STOX1: variants seen among roughly 807,000 people sequenced by gnomAD.
STOX1 encodes storkhead-box protein 1.
STOX1 carries 57 observed loss-of-function variants against 74.8 expected under a neutral mutation model. That is an observed-to-expected ratio of 0.76 (90% CI 0.62 to 0.95). STOX1 has a LOEUF of 0.95. Among genes scored for constraint, STOX1 ranks in the 40% least tolerant of loss-of-function variants. STOX1 has a pLI of 0.00. For synonymous variants in STOX1, 375 were observed against 401.3 expected (o/e 0.93, Z 0.78); for missense variants, 1,010 against 1,117.0 (o/e 0.90, Z 1.37).
At chr10:68,842,035 A>C (rs1839703303) in intron 1 of STOX1, among the ~76,000 whole-genome samples, 1 of 152,128 alleles carries the variant, frequency 6.6e-6, no homozygotes, top group Admixed American at 6.6e-5. Context: ...TGGAAAGAAC[A>C]CTAGACATGA....
chr10:68,867,175 G>A (rs1840431339), intron 1 of STOX1, among the ~76,000 whole-genome samples: 1 of 151,866 alleles, frequency 6.6e-6, no homozygotes, highest in Non-Finnish European at 1.5e-5. Flanking sequence ...TCAATCTCCT[G>A]ACCTCGTGAT....
rs774871541 is a variant in STOX1 at position 68,884,832 on chromosome 10, G to T, written c.1036G>T (p.Asp346Tyr). Reference protein sequence around the residue: ...QFPPEEWPVRDEDDLDNIPRD... With the variant: ...QFPPEEWPVRYEDDLDNIPRD... ...CCCACCTGAAGAATGGCCCGTCCGA[G>T]ATGAAGATGACTTGGACAATATCCC... is the stretch of plus-strand genomic sequence containing the variant. The change falls in exon 3 of 4, where the codon GAT (aspartate) becomes TAT (tyrosine). Residue 346 changes from aspartate to tyrosine, a missense_variant. By Grantham distance (160) the Asp-to-Tyr change is radical. Transcript: ENST00000298596. The T allele has an allele frequency of 1.4e-5, 22 of 1,614,148 alleles. 1 individual carries two copies. In the South Asian group the frequency reaches 2.4e-4, roughly 18 times the overall value.
chr10:68,870,201 TTAC>T (rs1840504118), intron 1 of STOX1, among the ~76,000 whole-genome samples: 1 of 152,224 alleles, frequency 6.6e-6, no homozygotes, highest in Admixed American at 6.5e-5. Context: ...TCTGGGCTTT[TTAC>T]CCCCGTTTTG....
intron 1 of STOX1, among the ~76,000 whole-genome samples, chr10:68,872,529 T>C (rs1201736871): frequency 1.3e-5 from 2 of 152,020 alleles, no homozygotes; most frequent in Non-Finnish European, 2.9e-5. Flanking sequence ...TAATTTTTAG[T>C]AGAGACGAGG....
chr10:68,876,384 G>A (rs1011527703), intron 1 of STOX1, among the ~76,000 whole-genome samples: 1 of 151,812 alleles, frequency 6.6e-6, no homozygotes, highest in African/African-American at 2.4e-5. Flanking sequence ...TCGAACTCCC[G>A]ACCTCAGGTG....
At chr10:68,832,055 G>A (rs1412664135) in intron 1 of STOX1, among the ~76,000 whole-genome samples, 2 of 151,480 alleles carry the variant, frequency 1.3e-5, no homozygotes, top group Non-Finnish European at 2.9e-5. Context: ...GTGAGCCACC[G>A]CACCTGGCTC....
rs189471240 is a variant in STOX1 at position 68,835,976 on chromosome 10, A to G, written c.310+8043A>G. ...AACCTCCTCCTCCTGGGTTCAAGCA[A>G]TTCTCCTGCCTCAGCCTCCTAAGTA... is the stretch of plus-strand genomic sequence containing the variant. On this transcript the variant is annotated intron_variant, in intron 1 of 3. Transcript: ENST00000298596. Among the ~76,000 whole-genome samples, 437 of 152,188 alleles carry G rather than the reference A, an allele frequency of 2.9e-3. 1 individual carries two copies. Among genetic ancestry groups the G allele is most frequent in the African/African-American group, 9.9e-3 (411 of 41,516 alleles).
intron 1 of STOX1, among the ~76,000 whole-genome samples, chr10:68,852,602 A>G (rs1211481049): frequency 1.3e-5 from 2 of 149,836 alleles, no homozygotes; most frequent in Admixed American, 6.6e-5. Context: ...TTTTTTCTCC[A>G]AGACAGGGTC....
chr10:68,890,942 A>G (rs1841084175), intron 3 of STOX1, among the ~76,000 whole-genome samples: 1 of 152,032 alleles, frequency 6.6e-6, no homozygotes, highest in Non-Finnish European at 1.5e-5. Flanking sequence ...GTGAGCCCCC[A>G]TGCCCAGCTA....
chr10:68,882,349 C>T (rs910736423), intron 2 of STOX1, among the ~76,000 whole-genome samples: 1 of 152,088 alleles, frequency 6.6e-6, no homozygotes, highest in African/African-American at 2.4e-5. Context: ...ATAAATAAAT[C>T]ACACTCTGTG....
chr10:68,857,774 C>T (rs142350105), intron 1 of STOX1, among the ~76,000 whole-genome samples: 24 of 152,112 alleles, frequency 1.6e-4, no homozygotes, highest in Non-Finnish European at 1.8e-4. Context: ...AGCTGAGGCA[C>T]CATGCACTGG....
intron 1 of STOX1, among the ~76,000 whole-genome samples, chr10:68,834,454 A>G (rs1206505396): frequency 6.6e-6 from 1 of 152,136 alleles, no homozygotes; most frequent in Non-Finnish European, 1.5e-5. Flanking sequence ...TCTGATTCCT[A>G]TTCTGTTTTA....
intron 1 of STOX1, among the ~76,000 whole-genome samples, chr10:68,853,912 C>T (rs182250190): frequency 1.3e-4 from 20 of 151,570 alleles, no homozygotes; most frequent in African/African-American, 3.6e-4. Context: ...CTCAAACTCC[C>T]GACCTCAGGT....
At chr10:68,869,899 T>C (rs1840495302) in intron 1 of STOX1, among the ~76,000 whole-genome samples, 2 of 152,120 alleles carry the variant, frequency 1.3e-5, no homozygotes, top group South Asian at 4.1e-4. Context: ...GCTGATCTAG[T>C]TCAGTTCCCT....
intron 1 of STOX1, among the ~76,000 whole-genome samples, chr10:68,831,984 C>CT (rs1839425520): frequency 6.7e-6 from 1 of 148,456 alleles, no homozygotes; most frequent in African/African-American, 2.5e-5. Context: ...AGGCTGGTCT[C>CT]TAACTGCTGG....
intron 1 of STOX1, among the ~76,000 whole-genome samples, chr10:68,880,363 G>A (rs1840788389): frequency 6.6e-6 from 1 of 151,846 alleles, no homozygotes; most frequent in South Asian, 2.1e-4. Flanking sequence ...TTTTATCTTT[G>A]TAGAGATTGG....
chr10:68,872,998 T>C (rs139731377), intron 1 of STOX1, among the ~76,000 whole-genome samples: 233 of 151,878 alleles, frequency 1.5e-3, no homozygotes, highest in African/African-American at 4.9e-3. Flanking sequence ...TGCTCAGATA[T>C]CAAAATAAAC....
chr10:68,838,999 A>G (rs1839629069), intron 1 of STOX1, among the ~76,000 whole-genome samples: 1 of 151,968 alleles, frequency 6.6e-6, no homozygotes, highest in Non-Finnish European at 1.5e-5. Flanking sequence ...ACTGTTAAAT[A>G]AGATGTTAGC....
chr10:68,840,668 C>A (rs1195977364), intron 1 of STOX1, among the ~76,000 whole-genome samples: 1 of 152,156 alleles, frequency 6.6e-6, no homozygotes, highest in East Asian at 1.9e-4. Flanking sequence ...TCAAGCGATT[C>A]TCATGCTTCA....
Sources: allele counts gnomAD v4.1 joint callset (sites outside exome capture counted in the v4.1 genomes callset), GRCh38; gene constraint gnomAD v4.1.1; transcripts MANE v1.5; gene names NCBI Gene and HGNC (gene_info 2026-07-23, HGNC 2026-07-21).